FIGNL2: variants seen among roughly 807,000 people sequenced by gnomAD.
The protein encoded by FIGNL2 is fidgetin-like protein 2.
For missense variants in FIGNL2, 1,060 were observed against 950.2 expected, an observed-to-expected ratio of 1.12 and a Z score of -1.52; for synonymous variants, 565 against 484.0, an observed-to-expected ratio of 1.17 and a Z score of -2.20.
Position 51,821,003 on chromosome 12 carries a change from G to A in FIGNL2, c.1411C>T (p.Arg471Cys). 1 of 1,187,898 alleles carries A rather than the reference G, an allele frequency of 8.4e-7. No individual in the cohort carries two copies. Among genetic ancestry groups the A allele is most frequent in the African/African-American group, 1.6e-5 (1 of 62,342 alleles). 73.6% of individuals were successfully genotyped at this position (1,187,898 alleles called of 1,614,324 possible). ...LAAPGAAEGARLLQAAFAAAR... is the reference protein window; with the variant it reads ...LAAPGAAEGACLLQAAFAAAR... ...GCCGCGAAGGCGGCCTGGAGGAGGC[G>A]CGCGCCCTCGGCGGCGCCGGGCGCA... The change falls in exon 2 of 2, where the codon CGC becomes TGC. Residue 471 changes from arginine (R) to cysteine (C), a missense_variant. By Grantham distance (180) the Arg-to-Cys change is radical. Coordinates refer to ENST00000618634, the MANE Select transcript of FIGNL2 (RefSeq NM_001384995.1).
intron 1 of FIGNL2, among the ~76,000 whole-genome samples, chr12:51,843,382 CAA>C (rs61653181): frequency 0.42 from 60,965 of 145,104 alleles, 12,890 homozygotes; most frequent in Middle Eastern, 0.5. Context: ...ACTAAAAATA[CAA>C]AAAAAAAAAA....
intron 1 of FIGNL2, among the ~76,000 whole-genome samples, chr12:51,843,558 A>G (rs1292250415): frequency 6.6e-6 from 1 of 151,694 alleles, no homozygotes; most frequent in African/African-American, 2.4e-5. Flanking sequence ...AAAAAAAAAA[A>G]AGAGTCAATG....
Position 51,820,747 on chromosome 12 carries a change from G to T in FIGNL2, c.1667C>A (p.Ala556Glu). ...RRRFSLRFYV[A>E]LPDSPARGQI... ...CCCGCGGGCCGGGCTGTCGGGCAGCGCCACGTAGAAGCGGAGAGAGAAGCG... is the reference window on the plus strand; with the variant it reads ...CCCGCGGGCCGGGCTGTCGGGCAGCTCCACGTAGAAGCGGAGAGAGAAGCG... The change falls in exon 2 of 2, where the codon GCG becomes GAG. Residue 556 changes from alanine to glutamate, a missense_variant. Coordinates refer to ENST00000618634, the MANE Select transcript of FIGNL2 (RefSeq NM_001384995.1). 6.7e-7 allele frequency: 1 copy of T among 1,485,828 alleles called. No individual in the cohort carries two copies. Among genetic ancestry groups the T allele is most frequent in the African/African-American group, 1.5e-5 (1 of 68,548 alleles). 92.0% of individuals were successfully genotyped at this position (1,485,828 alleles called of 1,614,324 possible).
intron 1 of FIGNL2, among the ~76,000 whole-genome samples, chr12:51,824,741 G>A (rs1325870887): frequency 6.6e-6 from 1 of 152,168 alleles, no homozygotes; most frequent in Non-Finnish European, 1.5e-5. Flanking sequence ...CAGAGTCTTA[G>A]GAGGTAACAT....
intron 1 of FIGNL2, among the ~76,000 whole-genome samples, chr12:51,845,931 TG>T (rs1331101082): frequency 2.0e-5 from 1 of 49,184 alleles, no homozygotes; most frequent in South Asian, 7.2e-4. Context: ...TCCCCGGACT[TG>T]GGGGGGTGGG....
At chr12:51,826,158 A>G (rs1409201133) in intron 1 of FIGNL2, among the ~76,000 whole-genome samples, 1 of 71,208 alleles carries the variant, frequency 1.4e-5, no homozygotes, top group African/African-American at 5.0e-5. Flanking sequence ...TATCCCTCCT[A>G]GGTGCTGGGC....
rs1939797563 is a variant in FIGNL2 at position 51,848,369 on chromosome 12, T to C, written c.-12+171A>G. On this transcript the variant is annotated intron_variant, in intron 1 of 1. Coordinates refer to ENST00000618634, the MANE Select transcript of FIGNL2 (RefSeq NM_001384995.1). ...TGACCCTCGGCTCCCACGTACCCGC[T>C]AGGGTCTCTCGCCGGCCCTGCCCTC... The C allele has an allele frequency of 4.1e-6, 4 of 971,208 alleles. No homozygotes were observed. The South Asian group carries it at 1.4e-4, about 35-fold the overall frequency. 60.2% of individuals were successfully genotyped at this position (971,208 alleles called of 1,614,324 possible). A position where few individuals can be genotyped will look rare whatever the true frequency, so the allele number is the denominator to read the frequency against.
At chr12:51,829,041 T>C (rs1939400783) in intron 1 of FIGNL2, among the ~76,000 whole-genome samples, 1 of 152,114 alleles carries the variant, frequency 6.6e-6, no homozygotes, top group South Asian at 2.1e-4. Flanking sequence ...GGGAAGGGAT[T>C]GGACCAAACT....
rs1939135476 is a variant in FIGNL2 at position 51,820,119 on chromosome 12, G to A, written c.*333C>T. 1 of 334,366 alleles carries A rather than the reference G, an allele frequency of 3.0e-6. No individual in the cohort carries two copies. Among genetic ancestry groups the A allele is most frequent in the African/African-American group, 2.2e-5 (1 of 44,592 alleles). 20.7% of individuals were successfully genotyped at this position (334,366 alleles called of 1,614,324 possible). On this transcript the variant is annotated 3_prime_UTR_variant, in exon 2 of 2. Coordinates refer to ENST00000618634, the MANE Select transcript of FIGNL2 (RefSeq NM_001384995.1). The stretch of plus-strand genomic sequence containing the variant: ...AAGGAGGGTGCCATTCAGATAGCGA[G>A]GAGACAAAAGCGTTGTGGCAAGAGA...
At position 51,820,541 on chromosome 12, in the gene FIGNL2, C is replaced by T; in HGVS notation, c.1873G>A (p.Ala625Thr). Residue 625 changes from alanine (A) to threonine (T), a missense_variant, in exon 2 of 2, where the codon GCG (alanine) becomes ACG (threonine). Physicochemically the swap from Ala to Thr is moderately conservative, Grantham distance 58 (BLOSUM62 0). Coordinates refer to ENST00000618634, the MANE Select transcript of FIGNL2 (RefSeq NM_001384995.1). Reference sequence around the variant, plus strand: ...CTAGGGCCCACCTTGGCCAGCGCCGCCTCCAGGTCCTTGTAGGAGAGGGGG... The same window carrying T: ...CTAGGGCCCACCTTGGCCAGCGCCGTCTCCAGGTCCTTGTAGGAGAGGGGG... Reference protein sequence around the residue: ...QRPLSYKDLEAALAKVGPRAS... With the variant: ...QRPLSYKDLETALAKVGPRAS... The T allele has an allele frequency of 6.5e-7, 1 of 1,546,748 alleles. No individual in the cohort carries two copies. The highest frequency in any genetic ancestry group is 8.7e-7 in the Non-Finnish European group (1 of 1,153,544).
intron 1 of FIGNL2, among the ~76,000 whole-genome samples, chr12:51,844,190 T>A (rs1168292043): frequency 6.6e-6 from 1 of 152,100 alleles, no homozygotes; most frequent in Non-Finnish European, 1.5e-5. Context: ...CGGAGTTACA[T>A]CTGATTAGCA....
chr12:51,837,083 G>A (rs1939591164), intron 1 of FIGNL2, among the ~76,000 whole-genome samples: 1 of 152,150 alleles, frequency 6.6e-6, no homozygotes, highest in South Asian at 2.1e-4. Flanking sequence ...AGGGGACACA[G>A]CAGGAGGGGT....
chr12:51,848,489 CCGAA>C, intron 1 of FIGNL2, 47 bp downstream of exon 1: 2 of 983,028 alleles, frequency 2.0e-6, no homozygotes, highest in Middle Eastern at 5.3e-4. Context: ...GACACCCTGA[CCGAA>C]CGGTCACCTC....
At chr12:51,841,651 C>T (rs1939663591) in intron 1 of FIGNL2, 1 of 152,208 alleles carries the variant, frequency 6.6e-6, no homozygotes, top group African/African-American at 2.4e-5. Context: ...AACTTGTTCT[C>T]ATGGGACCAG....
chr12:51,847,997 G>A (rs1372816184), intron 1 of FIGNL2: 1 of 651,218 alleles, frequency 1.5e-6, no homozygotes, highest in African/African-American at 2.0e-5. Context: ...TAGGGGCGCG[G>A]GGACCCTAAG....
intron 1 of FIGNL2, chr12:51,847,231 A>T (rs1168941861): frequency 1.0e-6 from 1 of 984,686 alleles, no homozygotes; most frequent in Non-Finnish European, 1.2e-6. Context: ...AGGGTCTGGG[A>T]CTCCCTCTGC....
chr12:51,829,081 C>T (rs1485628788), intron 1 of FIGNL2, among the ~76,000 whole-genome samples: 1 of 152,210 alleles, frequency 6.6e-6, no homozygotes, highest in Admixed American at 6.5e-5. Flanking sequence ...CAAGGAGGGG[C>T]AGCTGTGAGT....
chr12:51,825,875 CA>C (rs1417997269), intron 1 of FIGNL2: 1 of 152,086 alleles, frequency 6.6e-6, no homozygotes, highest in Non-Finnish European at 1.5e-5. Flanking sequence ...CTCGGCCTCC[CA>C]AAGTGCTGGG....
chr12:51,847,437 T>C, intron 1 of FIGNL2: 1 of 985,456 alleles, frequency 1.0e-6, no homozygotes, highest in Non-Finnish European at 1.2e-6. Context: ...CCACAGCCCG[T>C]GCGGACAACA....
Sources: gnomAD v4.1 joint callset for allele counts (sites outside exome capture counted in the v4.1 genomes callset) on GRCh38, gnomAD v4.1.1 for gene constraint, MANE v1.5 for transcripts, NCBI Gene and HGNC (gene_info 2026-07-23, HGNC 2026-07-21) for gene names.